ZNF385D: variants seen among roughly 807,000 people sequenced by gnomAD.
The protein encoded by ZNF385D is zinc finger protein 385D, also known as zinc finger protein 659.
In ZNF385D, 15 loss-of-function variants were observed where a neutral mutation model predicts 35.8. The observed-to-expected ratio is 0.42, with a 90% CI of 0.28 to 0.64. The LOEUF is 0.64. Ranked by LOEUF, ZNF385D falls within the 30% of genes least tolerant of loss-of-function variation. The pLI, the probability that ZNF385D is intolerant of heterozygous loss-of-function variation, is 0.23. For missense variants in ZNF385D, 474 were observed against 494.6 expected (o/e 0.96, Z 0.39); for synonymous variants, 212 against 186.8 (o/e 1.13, Z -1.10).
chr3:22,302,377 TTATATA>T lies in ZNF385D; in HGVS notation c.106+70067_106+70072del, dbSNP rs140950656. Among the ~76,000 whole-genome samples the T allele has an allele frequency of 2.0e-3, 296 of 150,604 alleles. 4 individuals carry two copies. Among genetic ancestry groups the T allele is most frequent in the African/African-American group, 5.8e-3 (239 of 41,212 alleles). On this transcript the variant is annotated intron_variant, in intron 2 of 5. Coordinates refer to the ZNF385D transcript ENST00000494108. Reference sequence around the variant, plus strand: ...GCTTTTCTATCAATGAATAGTAAAATTATATATATATATACATTATATAATTGTATT... The same window carrying T: ...GCTTTTCTATCAATGAATAGTAAAATTATATATACATTATATAATTGTATT...
intron 3 of ZNF385D, among the ~76,000 whole-genome samples, chr3:21,530,770 A>T (rs1267739058): frequency 1.3e-5 from 2 of 152,154 alleles, no homozygotes; most frequent in Non-Finnish European, 2.9e-5. Flanking sequence ...ATGTCCATCT[A>T]AAGGAAAAGA....
chr3:22,247,615 T>TTTTATTTG (rs1699853353), intron 2 of ZNF385D, among the ~76,000 whole-genome samples: 1 of 148,204 alleles, frequency 6.7e-6, no homozygotes, highest in Non-Finnish European at 1.5e-5. Flanking sequence ...CATTTTACAA[T>TTTTATTTG]TTTATTTATT....
At position 21,763,546 on chromosome 3, in the gene ZNF385D, G is replaced by C. The variant is rs146365646; in HGVS notation, c.326-98518C>G. Among the ~76,000 whole-genome samples, 496 of 152,152 alleles carry C rather than the reference G, an allele frequency of 3.3e-3. 4 individuals carry two copies. Among genetic ancestry groups the C allele is most frequent in the African/African-American group, 0.012 (481 of 41,506 alleles). ...TTCAAATGAATATCGTGTGCTTTAG[G>C]CCTATAATATATAACATTATATATT... On this transcript the variant is annotated intron_variant, in intron 3 of 5. Coordinates refer to the ZNF385D transcript ENST00000494108.
intron 3 of ZNF385D, among the ~76,000 whole-genome samples, chr3:21,812,048 T>A (rs750930145): frequency 2.0e-5 from 3 of 152,046 alleles, no homozygotes; most frequent in Non-Finnish European, 2.9e-5. Flanking sequence ...AATATAAATA[T>A]CAGTTTATAG....
At chr3:21,865,146 C>A (rs1697278527) in intron 3 of ZNF385D, among the ~76,000 whole-genome samples, 1 of 124,078 alleles carries the variant, frequency 8.1e-6, no homozygotes, top group African/African-American at 3.1e-5. Flanking sequence ...TTCTTCTGGT[C>A]ATTATTGTAA....
At chr3:22,345,577 C>T (rs1386253040) in intron 2 of ZNF385D, among the ~76,000 whole-genome samples, 1 of 152,170 alleles carries the variant, frequency 6.6e-6, no homozygotes, top group African/African-American at 2.4e-5. Context: ...TGGGGAACGT[C>T]AAACAATAAC....
At chr3:21,765,621 C>T (rs780048290) in intron 3 of ZNF385D, among the ~76,000 whole-genome samples, 44 of 148,846 alleles carry the variant, frequency 3.0e-4, no homozygotes, top group Non-Finnish European at 5.2e-4. Flanking sequence ...GATTCATGTG[C>T]AAGATGGATA....
intron 2 of ZNF385D, among the ~76,000 whole-genome samples, chr3:22,182,340 C>T (rs958085682): frequency 6.6e-6 from 1 of 152,018 alleles, no homozygotes; most frequent in African/African-American, 2.4e-5. Flanking sequence ...AATTAAATAT[C>T]CCAGCTGTAT....
At chr3:21,760,304 G>A (rs2070544713) in intron 3 of ZNF385D, among the ~76,000 whole-genome samples, 1 of 152,156 alleles carries the variant, frequency 6.6e-6, no homozygotes, top group Non-Finnish European at 1.5e-5. Flanking sequence ...AGCCATACGT[G>A]AATACAACTG....
intron 3 of ZNF385D, among the ~76,000 whole-genome samples, chr3:21,529,789 G>T (rs2061881091): frequency 6.6e-6 from 1 of 152,170 alleles, no homozygotes; most frequent in Admixed American, 6.6e-5. Flanking sequence ...CTGGTCCTGA[G>T]TTTAAATTTT....
At chr3:22,099,348 A>G (rs1354287686) in intron 3 of ZNF385D, among the ~76,000 whole-genome samples, 1 of 152,150 alleles carries the variant, frequency 6.6e-6, no homozygotes, top group Non-Finnish European at 1.5e-5. Context: ...CATGTAGTCC[A>G]TAAGAAAGGG....
At chr3:22,179,517 T>C (rs1388645973) in intron 2 of ZNF385D, among the ~76,000 whole-genome samples, 1 of 152,250 alleles carries the variant, frequency 6.6e-6, no homozygotes, top group Admixed American at 6.5e-5. Context: ...AGATATACAA[T>C]CATGTCATCT....
At chr3:21,780,897 C>T (rs371715998) in intron 3 of ZNF385D, among the ~76,000 whole-genome samples, 6 of 152,022 alleles carry the variant, frequency 3.9e-5, no homozygotes, top group South Asian at 4.1e-4. Flanking sequence ...CATTTAGTAG[C>T]GCCAGCCAAG....
chr3:21,855,298 T>G (rs912165449), intron 3 of ZNF385D, among the ~76,000 whole-genome samples: 1 of 152,048 alleles, frequency 6.6e-6, no homozygotes, highest in Non-Finnish European at 1.5e-5. Context: ...GCATCCCAAA[T>G]TGCTTACTCA....
intron 1 of ZNF385D, among the ~76,000 whole-genome samples, chr3:21,734,029 T>C (rs1352087942): frequency 6.6e-6 from 1 of 152,196 alleles, no homozygotes; most frequent in African/African-American, 2.4e-5. Flanking sequence ...GAACACTCTT[T>C]TTTCATAATT....
chr3:21,857,397 G>A (rs1427877117), intron 3 of ZNF385D, among the ~76,000 whole-genome samples: 2 of 152,000 alleles, frequency 1.3e-5, no homozygotes, highest in East Asian at 3.9e-4. Context: ...TAGGTGCCAG[G>A]GGAAACATAA....
intron 2 of ZNF385D, among the ~76,000 whole-genome samples, chr3:21,569,913 T>TG (rs1279381218): frequency 2.5e-3 from 19 of 7,666 alleles, no homozygotes; most frequent in African/African-American, 0.01. Flanking sequence ...TGTTGTGGGG[T>TG]GGGGGGGCAG....
In ZNF385D at chr3:22,049,973, G is replaced by A. The variant is rs375248687; in HGVS notation, c.325+118844C>T. 2.3e-4 allele frequency among the ~76,000 whole-genome samples: 35 copies of A among 152,244 alleles called. No homozygotes were observed. In the East Asian group the frequency reaches 2.7e-3, roughly 12 times the overall value. On this transcript the variant is annotated intron_variant, in intron 3 of 5. Transcript: ENST00000494108. ...CCATAGTTTTCTTTCCTTGTAAAAT[G>A]CTTGTCTGGCTTTGGTATCAGGATA...
At chr3:21,625,179 T>C (rs1645712646) in intron 2 of ZNF385D, among the ~76,000 whole-genome samples, 1 of 152,102 alleles carries the variant, frequency 6.6e-6, no homozygotes, top group Non-Finnish European at 1.5e-5. Context: ...TAATTAACTT[T>C]ATAAATAAGA....
Sources: allele counts gnomAD v4.1 joint callset (sites outside exome capture counted in the v4.1 genomes callset), GRCh38; gene constraint gnomAD v4.1.1; transcripts MANE v1.5; gene names NCBI Gene and HGNC (gene_info 2026-07-23, HGNC 2026-07-21).